Variants in ITPK1 observed in about 807,000 individuals in gnomAD.
ITPK1 encodes the protein inositol-tetrakisphosphate 1-kinase.
In ITPK1, 21 loss-of-function variants were observed where a neutral mutation model predicts 45.3. The ratio of observed to expected loss-of-function variants is 0.46; its 90% CI spans 0.33 to 0.67. ITPK1 has a LOEUF of 0.67. Among genes scored for constraint, ITPK1 ranks in the 30% least tolerant of loss-of-function variants. ITPK1 has a pLI of 0.02. For synonymous variants in ITPK1, 258 were observed against 253.6 expected (o/e 1.02, Z -0.16); for missense variants, 474 against 573.5 (o/e 0.83, Z 1.77).
chr14:92,957,838 C>A (rs1884824326), intron 8 of ITPK1, among the ~76,000 whole-genome samples: 1 of 152,234 alleles, frequency 6.6e-6, no homozygotes, highest in Admixed American at 6.5e-5. Flanking sequence ...CCCTGGCTTC[C>A]CTGGAAGGCC....
chr14:92,988,014 G>A (rs894694673), intron 5 of ITPK1, among the ~76,000 whole-genome samples: 2 of 152,248 alleles, frequency 1.3e-5, no homozygotes, highest in Non-Finnish European at 2.9e-5. Context: ...GCACAATCCT[G>A]CTCTGCGGAG....
At chr14:92,957,967 C>T (rs547449080) in intron 8 of ITPK1, among the ~76,000 whole-genome samples, 7 of 152,318 alleles carry the variant, frequency 4.6e-5, no homozygotes, top group South Asian at 4.1e-4. Context: ...CTGGAGTCTA[C>T]GGTGGTTCAG....
At chr14:93,026,780 C>T (rs1000187765) in intron 3 of ITPK1, among the ~76,000 whole-genome samples, 6 of 143,908 alleles carry the variant, frequency 4.2e-5, no homozygotes, top group African/African-American at 1.2e-4. Context: ...CAGAAGAGAA[C>T]GGGGAGTGCT....
intron 3 of ITPK1, among the ~76,000 whole-genome samples, chr14:93,022,554 C>T (rs1888524221): frequency 6.7e-6 from 1 of 150,286 alleles, no homozygotes; most frequent in Non-Finnish European, 1.5e-5. Context: ...GGTCTACCGT[C>T]GAGGCTGGAG....
intron 3 of ITPK1, among the ~76,000 whole-genome samples, chr14:93,061,863 T>A (rs1035195601): frequency 6.6e-6 from 1 of 152,192 alleles, no homozygotes; most frequent in African/African-American, 2.4e-5. Flanking sequence ...TACAATCAGA[T>A]AATATTATGC....
intron 1 of ITPK1, 114 bp downstream of exon 1, chr14:93,115,648 TTCCTCCCTCC>T (rs1389552573): frequency 7.0e-6 from 1 of 142,940 alleles, no homozygotes; most frequent in African/African-American, 2.6e-5. Flanking sequence ...CTCCGAGCCC[TTCCTCCCTCC>T]TCCTCCCGCC....
In ITPK1 at chr14:92,941,596, C is replaced by CACA; in HGVS notation, c.1207_1209dup (p.Cys403dup). ...GAGGCCTTGGTGGCCAGGGAGGCCACACAATGCTGCTGGAAGCTGGGCGAC... is the reference window on the plus strand; with the variant it reads ...GAGGCCTTGGTGGCCAGGGAGGCCACACAACAATGCTGCTGGAAGCTGGGCGAC... On this transcript the variant is annotated inframe_insertion, in exon 11 of 11. Transcript: ENST00000267615. The CACA allele has an allele frequency of 6.5e-7, 1 of 1,537,324 alleles. No homozygotes were observed.
At chr14:93,031,140 T>C (rs1043432968) in intron 3 of ITPK1, among the ~76,000 whole-genome samples, 28 of 152,002 alleles carry the variant, frequency 1.8e-4, no homozygotes, top group African/African-American at 6.5e-4. Flanking sequence ...CACTGGCAAA[T>C]GAATCCAAGG....
intron 10 of ITPK1, among the ~76,000 whole-genome samples, chr14:92,942,732 C>T (rs1366754541): frequency 5.9e-5 from 9 of 152,196 alleles, no homozygotes; most frequent in Admixed American, 1.3e-4. Flanking sequence ...TTGCGAACAT[C>T]AGCAGAGCCC....
chr14:93,073,245 G>C (rs909626870), intron 3 of ITPK1, among the ~76,000 whole-genome samples: 2 of 152,214 alleles, frequency 1.3e-5, no homozygotes, highest in African/African-American at 2.4e-5. Flanking sequence ...ACACAGACAG[G>C]AACCTGACCC....
chr14:93,098,933 G>A (rs944372741), intron 2 of ITPK1, among the ~76,000 whole-genome samples: 2 of 152,152 alleles, frequency 1.3e-5, no homozygotes, highest in East Asian at 1.9e-4. Context: ...TGCCCCACTC[G>A]TTTCAGAAAG....
At chr14:93,047,593 G>A (rs1889832628) in intron 3 of ITPK1, among the ~76,000 whole-genome samples, 1 of 152,214 alleles carries the variant, frequency 6.6e-6, no homozygotes. Context: ...CTGGGACTAT[G>A]AGAAGCTGGC....
chr14:92,945,665 G>A (rs112022144), intron 10 of ITPK1, among the ~76,000 whole-genome samples: 8 of 152,310 alleles, frequency 5.3e-5, no homozygotes, highest in Admixed American at 2.0e-4. Flanking sequence ...TGGTGACCGC[G>A]AGCTGTGATG....
chr14:93,078,010 T>C (rs769009605), intron 2 of ITPK1, among the ~76,000 whole-genome samples: 7 of 152,206 alleles, frequency 4.6e-5, no homozygotes, highest in Non-Finnish European at 1.0e-4. Flanking sequence ...GAGCAGGGAC[T>C]ATGCCAAACT....
chr14:93,070,872 C>T (rs912220509), intron 3 of ITPK1: 4 of 153,830 alleles, frequency 2.6e-5, no homozygotes, highest in African/African-American at 9.6e-5. Context: ...ATGAGGGGCC[C>T]TCAGCTCAGC....
intron 3 of ITPK1, among the ~76,000 whole-genome samples, chr14:93,030,893 C>T (rs945069323): frequency 3.3e-5 from 5 of 152,254 alleles, no homozygotes; most frequent in South Asian, 2.1e-4. Flanking sequence ...GACACAGACC[C>T]GCACAAAGGA....
chr14:92,951,902 G>T, intron 9 of ITPK1, 44 bp downstream of exon 9: 1 of 1,481,032 alleles, frequency 6.8e-7, no homozygotes, highest in Non-Finnish European at 9.3e-7. Context: ...CTAGGCCCAC[G>T]GGAGGGCAGT....
At chr14:93,062,578 C>T (rs1195989992) in intron 3 of ITPK1, among the ~76,000 whole-genome samples, 1 of 152,022 alleles carries the variant, frequency 6.6e-6, no homozygotes, top group East Asian at 1.9e-4. Context: ...ATTTTGTTCC[C>T]ACAAGCTACA....
intron 2 of ITPK1, among the ~76,000 whole-genome samples, chr14:93,099,274 A>G (rs1432676548): frequency 6.6e-6 from 1 of 152,126 alleles, no homozygotes; most frequent in Non-Finnish European, 1.5e-5. Flanking sequence ...CCACTAGTTC[A>G]CAGCTGCTCC....
Sources: gnomAD v4.1 joint callset for allele counts (sites outside exome capture counted in the v4.1 genomes callset) on GRCh38, gnomAD v4.1.1 for gene constraint, MANE v1.5 for transcripts, NCBI Gene and HGNC (gene_info 2026-07-23, HGNC 2026-07-21) for gene names.